Variants in SYT14 observed in about 807,000 individuals in gnomAD.
SYT14 encodes synaptotagmin-14.
In SYT14, 32 loss-of-function variants were observed where a neutral mutation model predicts 74.2. That is an observed-to-expected ratio of 0.43 (90% CI 0.33 to 0.58). The LOEUF (loss-of-function observed/expected upper bound fraction) is 0.58, where lower values mean the gene tolerates loss of function less well. Among genes scored for constraint, SYT14 ranks in the 20% least tolerant of loss-of-function variants. The probability of loss-of-function intolerance (pLI) is 0.05; values close to 1 mark genes in which losing one functional copy is unlikely to be tolerated. For missense variants in SYT14, 791 were observed against 981.8 expected (o/e 0.81, Z 2.60); for synonymous variants, 298 against 337.7 (o/e 0.88, Z 1.29).
chr1:210,016,105 G>C (rs1241927316), exon 4 of SYT14: 1 of 1,232,078 alleles, frequency 8.1e-7, no homozygotes, highest in Non-Finnish European at 1.0e-6. Flanking sequence ...CTGTTGGGGA[G>C]GTCAGCTATG....
At chr1:210,070,620 A>G (rs1040030770) in intron 5 of SYT14, among the ~76,000 whole-genome samples, 2 of 152,128 alleles carry the variant, frequency 1.3e-5, no homozygotes, top group African/African-American at 2.4e-5. Context: ...AGTAACTTGC[A>G]TAATGCCTGG....
intron 7 of SYT14, among the ~76,000 whole-genome samples, chr1:210,103,138 T>C (rs1450984862): frequency 6.6e-6 from 1 of 152,180 alleles, no homozygotes; most frequent in Non-Finnish European, 1.5e-5. Context: ...GAATTTTGCA[T>C]ATAAAATTTA....
chr1:210,062,782 G>A (rs928075080), intron 5 of SYT14, among the ~76,000 whole-genome samples: 28 of 151,542 alleles, frequency 1.8e-4, no homozygotes, highest in African/African-American at 5.6e-4. Flanking sequence ...TTTTCCTAAC[G>A]TTTTAATTGT....
At position 210,159,898 on chromosome 1, in the gene SYT14, C is replaced by T. The variant is rs77545498; in HGVS notation, c.2281+421C>T. 2.1e-3 allele frequency among the ~76,000 whole-genome samples: 323 copies of T among 152,234 alleles called. 1 individual carries two copies. Among genetic ancestry groups the T allele is most frequent in the African/African-American group, 5.9e-3 (244 of 41,558 alleles). ...AGAAAGGATTTGTCTCCCAAATAAT[C>T]AGGCAATGAACTGTTATGTTTCACT... On this transcript the variant is annotated intron_variant, in intron 9 of 9. Transcript: ENST00000637265.
chr1:210,059,080 G>A (rs2081152310), intron 5 of SYT14, among the ~76,000 whole-genome samples: 1 of 152,012 alleles, frequency 6.6e-6, no homozygotes. Context: ...TTACAAGTTA[G>A]AAACTTAGAT....
chr1:210,042,672 A>C (rs2080814477), intron 5 of SYT14, among the ~76,000 whole-genome samples: 1 of 152,074 alleles, frequency 6.6e-6, no homozygotes, highest in Admixed American at 6.6e-5. Flanking sequence ...ATGGTTGTAG[A>C]TGTATGGCGT....
chr1:210,105,261 C>T (rs1478097598), intron 7 of SYT14, among the ~76,000 whole-genome samples: 1 of 152,206 alleles, frequency 6.6e-6, no homozygotes, highest in Admixed American at 6.5e-5. Context: ...TGTGAGTCAA[C>T]TCCGGCATGT....
intron 7 of SYT14, among the ~76,000 whole-genome samples, chr1:210,149,930 G>A (rs2083124976): frequency 1.3e-5 from 2 of 152,190 alleles, no homozygotes; most frequent in African/African-American, 4.8e-5. Context: ...TCAGTTGAAT[G>A]GGCTCTGTAG....
At chr1:210,063,079 C>T (rs1200563195) in intron 5 of SYT14, among the ~76,000 whole-genome samples, 2 of 147,806 alleles carry the variant, frequency 1.4e-5, no homozygotes, top group Non-Finnish European at 3.0e-5. Flanking sequence ...TATATTATCT[C>T]AGATTTTTTG....
chr1:210,170,902 CAAACATTTAAAAA>C (rs1390488059), exon 10 of SYT14: 1 of 152,046 alleles, frequency 6.6e-6, no homozygotes, highest in Non-Finnish European at 1.5e-5. Context: ...CTTACAAATG[CAAACATTTAAAAA>C]TATTCTCCTT....
intron 5 of SYT14, among the ~76,000 whole-genome samples, chr1:210,084,739 C>T (rs1367059724): frequency 6.6e-6 from 1 of 152,218 alleles, no homozygotes; most frequent in Non-Finnish European, 1.5e-5. Flanking sequence ...GTTAAAGCTA[C>T]ATATCAGATA....
chr1:210,164,408 C>T lies in SYT14; in HGVS notation c.*3366C>T, dbSNP rs148968157. On this transcript the variant is annotated 3_prime_UTR_variant, in exon 10 of 10. Transcript: ENST00000637265. ...AAATGCCCAGGGCTGTTTGTTAAAT[C>T]ATTTGCTTGATACCATCATCATTTT... is the stretch of plus-strand genomic sequence containing the variant. 261 of 174,334 alleles carry T rather than the reference C, an allele frequency of 1.5e-3. 1 individual carries two copies. Among genetic ancestry groups the T allele is most frequent in the African/African-American group, 5.8e-3 (240 of 41,708 alleles). 10.8% of individuals were successfully genotyped at this position (174,334 alleles called of 1,614,324 possible).
intron 5 of SYT14, among the ~76,000 whole-genome samples, chr1:210,080,827 A>G (rs1054607705): frequency 2.0e-5 from 3 of 152,226 alleles, no homozygotes; most frequent in African/African-American, 7.2e-5. Context: ...CCCAACATGC[A>G]TGCATAGATG....
intron 1 of SYT14, among the ~76,000 whole-genome samples, chr1:209,949,677 T>G (rs1393117616): frequency 6.6e-6 from 1 of 152,228 alleles, no homozygotes; most frequent in Admixed American, 6.5e-5. Flanking sequence ...TTTTCTTGAA[T>G]TTTATTTTAT....
chr1:209,991,371 C>T (rs61820394), intron 2 of SYT14, among the ~76,000 whole-genome samples: 4,521 of 152,132 alleles, frequency 0.03, 85 homozygotes, highest in Middle Eastern at 0.048. Context: ...AAATACTAGC[C>T]AACTTTGCAT....
intron 7 of SYT14, among the ~76,000 whole-genome samples, chr1:210,104,456 T>C (rs2082124020): frequency 6.6e-6 from 1 of 152,244 alleles, no homozygotes; most frequent in Non-Finnish European, 1.5e-5. Flanking sequence ...TAGTACTGTC[T>C]TATGCCAAAC....
chr1:210,107,035 G>A (rs930238335), intron 7 of SYT14, among the ~76,000 whole-genome samples: 3 of 152,318 alleles, frequency 2.0e-5, no homozygotes, highest in Non-Finnish European at 4.4e-5. Context: ...CCAAAACAAA[G>A]GGGCTACGGG....
At chr1:209,978,084 G>C (rs376258598) in intron 2 of SYT14, among the ~76,000 whole-genome samples, 6 of 152,116 alleles carry the variant, frequency 3.9e-5, no homozygotes, top group African/African-American at 1.4e-4. Context: ...CTTTGCATGG[G>C]TTATTCTAGT....
chr1:210,010,728 G>C (rs1365109593), intron 2 of SYT14, among the ~76,000 whole-genome samples: 1 of 152,132 alleles, frequency 6.6e-6, no homozygotes, highest in African/African-American at 2.4e-5. Context: ...ATTGAGGCAA[G>C]GGATAGAAAG....
Sources: gnomAD v4.1 joint callset for allele counts (sites outside exome capture counted in the v4.1 genomes callset) on GRCh38, gnomAD v4.1.1 for gene constraint, MANE v1.5 for transcripts, NCBI Gene and HGNC (gene_info 2026-07-23, HGNC 2026-07-21) for gene names.